The following ERICH1 variants were observed in gnomAD, a reference collection of about 807,000 sequenced individuals.
ERICH1 encodes the protein glutamate rich 1.
In ERICH1, 56 loss-of-function variants were observed where a neutral mutation model predicts 39.6. The ratio of observed to expected loss-of-function variants is 1.41; its 90% CI spans 1.14 to 1.77. The LOEUF (loss-of-function observed/expected upper bound fraction) is 1.77. ERICH1 is among the 40% of genes most tolerant of loss of function. The probability of loss-of-function intolerance (pLI) is 0.00; values close to 1 mark genes in which losing one functional copy is unlikely to be tolerated. For synonymous variants in ERICH1, 313 were observed against 223.6 expected (o/e 1.40, Z -3.57); for missense variants, 826 against 575.4 (o/e 1.44, Z -4.45).
intron 3 of ERICH1, among the ~76,000 whole-genome samples, chr8:686,086 G>C (rs1448627521): frequency 1.3e-5 from 2 of 151,804 alleles, no homozygotes; most frequent in African/African-American, 4.8e-5. Context: ...CTTAAACCCA[G>C]AAGGCAGAGG....
chr8:618,076 A>C (rs1366848239), intron 3 of ERICH1, among the ~76,000 whole-genome samples: 13 of 139,320 alleles, frequency 9.3e-5, no homozygotes, highest in East Asian at 2.2e-4. Context: ...CTGTCCTCTG[A>C]GTGATTGGTG....
intron 3 of ERICH1, among the ~76,000 whole-genome samples, chr8:623,646 G>A (rs12716634): frequency 0.21 from 31,522 of 152,082 alleles, 3,440 homozygotes; most frequent in Middle Eastern, 0.33. Flanking sequence ...CATTTTGTGT[G>A]CATGAAGAAC....
chr8:637,776 G>A (rs1276864247), intron 3 of ERICH1, among the ~76,000 whole-genome samples: 1 of 152,190 alleles, frequency 6.6e-6, no homozygotes, highest in African/African-American at 2.4e-5. Context: ...GCTCAGTTGG[G>A]GAGTGGAGCA....
intron 3 of ERICH1, among the ~76,000 whole-genome samples, chr8:688,013 G>C (rs972680330): frequency 6.6e-6 from 1 of 152,052 alleles, no homozygotes; most frequent in Non-Finnish European, 1.5e-5. Flanking sequence ...CGCAGCCCCA[G>C]CTCCCGCCGA....
rs375728440 is a variant in ERICH1, at chr8:616,954, C to G, written c.977-1670G>C. Among the ~76,000 whole-genome samples the G allele has an allele frequency of 0.03, 368 of 12,330 alleles. 104 individuals are homozygous for G. The East Asian group carries it at 0.43, about 14-fold the overall frequency. The allele number at this position is 12,330 out of a possible 152,430, so 8.1% of individuals were successfully genotyped here. On this transcript the variant is annotated intron_variant, in intron 3 of 3. Coordinates refer to the ERICH1 transcript ENST00000522706. ...ACAGAGAGAGAGAGGGAGAGGGAGA[C>G]AGAGACACACAGAGAGAGAGAGAGA... is the stretch of plus-strand genomic sequence containing the variant.
intron 2 of ERICH1, among the ~76,000 whole-genome samples, chr8:706,259 G>C (rs1813249352): frequency 6.6e-6 from 1 of 152,170 alleles, no homozygotes; most frequent in South Asian, 2.1e-4. Flanking sequence ...AAAAATGTAA[G>C]AGCTAATAAA....
downstream of ERICH1, among the ~76,000 whole-genome samples, chr8:661,531 G>A (rs1801424360): frequency 6.6e-6 from 1 of 152,112 alleles, no homozygotes; most frequent in Non-Finnish European, 1.5e-5. Context: ...TTCCTTCTCT[G>A]CCTGTCTTAA....
intron 3 of ERICH1, among the ~76,000 whole-genome samples, chr8:641,525 A>C (rs1328138264): frequency 6.6e-6 from 1 of 152,248 alleles, no homozygotes; most frequent in Non-Finnish European, 1.5e-5. Context: ...CTGTATCGTA[A>C]TGTATTTCCT....
chr8:634,352 G>A (rs536078334), intron 3 of ERICH1, among the ~76,000 whole-genome samples: 2 of 152,190 alleles, frequency 1.3e-5, no homozygotes, highest in African/African-American at 2.4e-5. Flanking sequence ...GCGTCGTGGA[G>A]CGCTTGGAAC....
chr8:664,288 T>C lies in ERICH1; in HGVS notation c.*315A>G. On this transcript the variant is annotated 3_prime_UTR_variant, in exon 6 of 6. Transcript: ENST00000262109. ...GGTGATTCAAAACTTCATAAAAATA[T>C]ATGAGCTTCAAACTATACATTTAAC... is the stretch of plus-strand genomic sequence containing the variant. 2 of 1,027,846 alleles carry C rather than the reference T, an allele frequency of 1.9e-6. No individual in the cohort carries two copies. The highest frequency in any genetic ancestry group is 2.3e-6 in the Non-Finnish European group (2 of 858,216). 63.7% of individuals were successfully genotyped at this position (1,027,846 alleles called of 1,614,324 possible). A position where few individuals can be genotyped will look rare whatever the true frequency, so the allele number is the denominator to read the frequency against.
chr8:633,060 G>A (rs1172024462), intron 3 of ERICH1, among the ~76,000 whole-genome samples: 1 of 152,184 alleles, frequency 6.6e-6, no homozygotes, highest in African/African-American at 2.4e-5. Flanking sequence ...CAACCAGTGT[G>A]GGGCCCGCGC....
At chr8:695,543 C>T (rs1318384864) in intron 2 of ERICH1, among the ~76,000 whole-genome samples, 1 of 123,620 alleles carries the variant, frequency 8.1e-6, no homozygotes, top group Non-Finnish European at 1.8e-5. Flanking sequence ...TCCTCTCGCC[C>T]TCCACTCCTC....
At chr8:618,760 C>T (rs897577006) in intron 3 of ERICH1, among the ~76,000 whole-genome samples, 2 of 152,134 alleles carry the variant, frequency 1.3e-5, no homozygotes, top group African/African-American at 2.4e-5. Context: ...GTGGACTACC[C>T]TGCTATGTGT....
At chr8:654,977 T>C (rs984019102) in intron 3 of ERICH1, among the ~76,000 whole-genome samples, 3 of 152,094 alleles carry the variant, frequency 2.0e-5, no homozygotes, top group Non-Finnish European at 4.4e-5. Context: ...CCCTGGGGAG[T>C]TGCGCCCTGG....
At chr8:707,174 C>T (rs562919991) in intron 2 of ERICH1, among the ~76,000 whole-genome samples, 1 of 151,496 alleles carries the variant, frequency 6.6e-6, no homozygotes, top group African/African-American at 2.4e-5. Context: ...CAGAAATAAA[C>T]CCCACATCTG....
chr8:690,621 A>G (rs957697083), intron 3 of ERICH1, among the ~76,000 whole-genome samples: 1 of 152,298 alleles, frequency 6.6e-6, no homozygotes, highest in East Asian at 1.9e-4. Context: ...CAGGTATGCC[A>G]CCCCTGCCTG....
intron 2 of ERICH1, among the ~76,000 whole-genome samples, chr8:714,783 C>T (rs999893178): frequency 4.0e-5 from 6 of 150,516 alleles, no homozygotes; most frequent in Admixed American, 3.3e-4. Flanking sequence ...CGGCCTCTTC[C>T]GGCATCTCTC....
intron 3 of ERICH1, among the ~76,000 whole-genome samples, chr8:688,226 G>A (rs1280879344): frequency 6.7e-5 from 10 of 150,306 alleles, no homozygotes; most frequent in South Asian, 2.1e-4. Context: ...CAGGTTTCCC[G>A]ACGTTCTCGC....
At chr8:676,622 T>C (rs1182625586) in intron 3 of ERICH1, among the ~76,000 whole-genome samples, 2 of 152,148 alleles carry the variant, frequency 1.3e-5, no homozygotes, top group African/African-American at 4.8e-5. Flanking sequence ...AGAGGGTGTG[T>C]GCAGGCCAAG....
Sources: allele counts gnomAD v4.1 joint callset (sites outside exome capture counted in the v4.1 genomes callset), GRCh38; gene constraint gnomAD v4.1.1; transcripts MANE v1.5; gene names NCBI Gene and HGNC (gene_info 2026-07-23, HGNC 2026-07-21).